The following DCN variants were observed in gnomAD, a reference collection of about 807,000 sequenced individuals.
DCN encodes the protein bone proteoglycan II.
Under a neutral mutation model 36.5 loss-of-function variants are expected in DCN, and 17 were observed. That is an observed-to-expected ratio of 0.47 (90% CI 0.32 to 0.70). DCN has a LOEUF of 0.70. Ranked by LOEUF, DCN falls within the 30% of genes least tolerant of loss-of-function variation. The probability of loss-of-function intolerance (pLI) is 0.04; values close to 1 mark genes in which losing one functional copy is unlikely to be tolerated. For missense variants in DCN, 389 were observed against 430.1 expected, an observed-to-expected ratio of 0.90 and a Z score of 0.84; for synonymous variants, 163 against 161.4, an observed-to-expected ratio of 1.01 and a Z score of -0.07.
In DCN at chr12:91,151,719, G is replaced by A. The variant is rs1239540762; in HGVS notation, c.820C>T (p.Leu274Phe). ...GTAAGCTTGTTGTTGTCCAAGTGAA[G>A]CTCCCTCAGATGAGGCGTGTTGGCC... ...SLANTPHLRELHLDNNKLTRV... is the reference protein window; with the variant it reads ...SLANTPHLREFHLDNNKLTRV... The change falls in exon 7 of 8, where the codon CTT (leucine) becomes TTT (phenylalanine). Residue 274 changes from leucine to phenylalanine, a missense_variant. By Grantham distance (22) the Leu-to-Phe change is conservative (BLOSUM62 0). Transcript: ENST00000052754. The A allele has an allele frequency of 1.2e-6, 2 of 1,614,058 alleles. No individual in the cohort carries two copies. The highest frequency in any genetic ancestry group is 1.7e-6 in the Non-Finnish European group (2 of 1,179,970).
chr12:91,174,899 T>G (rs1164174638), intron 2 of DCN, among the ~76,000 whole-genome samples: 1 of 152,152 alleles, frequency 6.6e-6, no homozygotes, highest in African/African-American at 2.4e-5. Context: ...TAATGAGGTG[T>G]TAAGTCCATA....
intron 4 of DCN, among the ~76,000 whole-genome samples, chr12:91,157,663 C>T (rs1248161300): frequency 6.6e-6 from 1 of 151,536 alleles, no homozygotes; most frequent in South Asian, 2.1e-4. Flanking sequence ...TAGTCTCACT[C>T]TGTCACCCAG....
chr12:91,176,821 A>G (rs1268066534), intron 2 of DCN: 1 of 152,168 alleles, frequency 6.6e-6, no homozygotes, highest in Non-Finnish European at 1.5e-5. Context: ...TCGCCATTTT[A>G]GTAACTTCAG....
At chr12:91,182,031 A>G (rs1868425184) in intron 1 of DCN, among the ~76,000 whole-genome samples, 1 of 152,104 alleles carries the variant, frequency 6.6e-6, no homozygotes, top group Non-Finnish European at 1.5e-5. Flanking sequence ...TTAAAATTTC[A>G]CTTGCAGTGA....
At chr12:91,156,532 C>A (rs754916956) in intron 5 of DCN, among the ~76,000 whole-genome samples, 1 of 149,482 alleles carries the variant, frequency 6.7e-6, no homozygotes. Flanking sequence ...GTAATTTGGG[C>A]TCAAGCAAAC....
chr12:91,173,011 A>C, intron 2 of DCN: 1 of 433,222 alleles, frequency 2.3e-6, no homozygotes, highest in African/African-American at 2.1e-5. Context: ...AAGCTACAGA[A>C]GTTAAAGCAG....
intron 7 of DCN, among the ~76,000 whole-genome samples, chr12:91,150,066 T>C (rs1881305956): frequency 6.6e-6 from 1 of 152,022 alleles, no homozygotes; most frequent in South Asian, 2.1e-4. Context: ...GATCCTAAAA[T>C]TGATATGGAA....
chr12:91,169,396 A>C (rs541329061), intron 2 of DCN, among the ~76,000 whole-genome samples: 35 of 151,430 alleles, frequency 2.3e-4, no homozygotes, highest in African/African-American at 8.0e-4. Flanking sequence ...AAAAAAAAAA[A>C]AAAAACCAAA....
intron 7 of DCN, among the ~76,000 whole-genome samples, chr12:91,149,843 T>C (rs1881290189): frequency 6.6e-6 from 1 of 151,886 alleles, no homozygotes; most frequent in Non-Finnish European, 1.5e-5. Context: ...TCAAAAAGAA[T>C]GAAAAACAAT....
intron 2 of DCN, chr12:91,172,915 G>A: frequency 1.8e-6 from 1 of 571,122 alleles, no homozygotes; most frequent in South Asian, 2.4e-5. Flanking sequence ...AAAAGATATT[G>A]TATAATCACA....
chr12:91,151,720 C>T lies in DCN; in HGVS notation c.819G>A (p.Glu273=). The change falls in exon 7 of 8, where the codon GAG becomes GAA. Residue 273 remains glutamate (E), a synonymous_variant. Coordinates refer to ENST00000052754, the MANE Select transcript of DCN (RefSeq NM_001920.5). ...GSLANTPHLR[E]LHLDNNKLTR... is the part of the protein sequence containing the mutation. ...TAAGCTTGTTGTTGTCCAAGTGAAGCTCCCTCAGATGAGGCGTGTTGGCCA... is the reference window on the plus strand; with the variant it reads ...TAAGCTTGTTGTTGTCCAAGTGAAGTTCCCTCAGATGAGGCGTGTTGGCCA... 6.2e-7 allele frequency: 1 copy of T among 1,614,088 alleles called. No homozygotes were observed. The highest frequency in any genetic ancestry group is 8.5e-7 in the Non-Finnish European group (1 of 1,179,964).
At chr12:91,158,708 T>A (rs1428751725) in intron 3 of DCN, among the ~76,000 whole-genome samples, 199 bp from the exon 4 acceptor site, 1 of 152,218 alleles carries the variant, frequency 6.6e-6, no homozygotes. Context: ...ATGCCTGTAA[T>A]CCCAGCACTT....
intron 2 of DCN, chr12:91,175,789 C>A (rs533885852): frequency 6.6e-6 from 1 of 152,186 alleles, no homozygotes; most frequent in South Asian, 2.1e-4. Context: ...ATTCAAGCTT[C>A]ATGCTTAGAT....
At chr12:91,175,180 A>C (rs1460158107) in intron 2 of DCN, 1 of 152,052 alleles carries the variant, frequency 6.6e-6, no homozygotes, top group Non-Finnish European at 1.5e-5. Context: ...ATTAAGAGGG[A>C]ACTGGTTTAT....
At chr12:91,167,923 C>A (rs1882689747) in intron 2 of DCN, among the ~76,000 whole-genome samples, 1 of 152,128 alleles carries the variant, frequency 6.6e-6, no homozygotes, top group African/African-American at 2.4e-5. Context: ...TCACTTTAAC[C>A]TCCGCCTCCC....
intron 2 of DCN, among the ~76,000 whole-genome samples, chr12:91,173,231 C>T (rs1266527651): frequency 6.6e-6 from 1 of 152,016 alleles, no homozygotes; most frequent in African/African-American, 2.4e-5. Flanking sequence ...GATATTTTAG[C>T]TAACCAATTC....
At chr12:91,171,630 A>G (rs1268070523) in intron 2 of DCN, among the ~76,000 whole-genome samples, 3 of 152,238 alleles carry the variant, frequency 2.0e-5, no homozygotes, top group African/African-American at 4.8e-5. Flanking sequence ...ATAGGAAAAA[A>G]GAGAGGCTGT....
chr12:91,148,459 T>G (rs1037175623), intron 7 of DCN, among the ~76,000 whole-genome samples: 1 of 151,978 alleles, frequency 6.6e-6, no homozygotes, highest in African/African-American at 2.4e-5. Flanking sequence ...GGCTTATGTC[T>G]GTAATCTCAG....
chr12:91,159,569 A>T (rs1461807467), intron 3 of DCN, among the ~76,000 whole-genome samples: 2 of 152,040 alleles, frequency 1.3e-5, no homozygotes, highest in East Asian at 3.9e-4. Context: ...GAGAGCCTTA[A>T]CATATTTTTC....
Sources: allele counts gnomAD v4.1 joint callset (sites outside exome capture counted in the v4.1 genomes callset), GRCh38; gene constraint gnomAD v4.1.1; transcripts MANE v1.5; gene names NCBI Gene and HGNC (gene_info 2026-07-23, HGNC 2026-07-21).